Variants in ANKMY1 observed in about 807,000 individuals in gnomAD.
The protein encoded by ANKMY1 is ankyrin repeat and MYND domain containing 1, also known as ankyrin repeat and MYND domain-containing protein 1.
ANKMY1 carries 98 observed loss-of-function variants against 102.0 expected under a neutral mutation model. The observed-to-expected ratio is 0.96, with a 90% CI of 0.82 to 1.14. ANKMY1 has a LOEUF of 1.14. Ranked by LOEUF, ANKMY1 falls within the 50% of genes most tolerant of loss-of-function variation. The pLI is 0.00. For synonymous variants in ANKMY1, 582 were observed against 559.9 expected (o/e 1.04, Z -0.56); for missense variants, 1,330 against 1,347.6 (o/e 0.99, Z 0.20).
intron 4 of ANKMY1, among the ~76,000 whole-genome samples, chr2:240,530,544 T>C (rs1256667994): frequency 2.0e-5 from 3 of 152,192 alleles, no homozygotes; most frequent in African/African-American, 4.8e-5. Context: ...CTTGAGGCTG[T>C]CCCAGCCATG....
rs182177630 is a variant in ANKMY1 at position 240,533,148 on chromosome 2, T to C, written c.481-3639A>G. 3.5e-4 allele frequency among the ~76,000 whole-genome samples: 53 copies of C among 152,358 alleles called. 1 individual carries two copies. The highest frequency in any genetic ancestry group is 1.1e-3 in the African/African-American group (45 of 41,582). On this transcript the variant is annotated intron_variant, in intron 4 of 17. Coordinates refer to ENST00000401804, the MANE Select transcript of ANKMY1 (RefSeq NM_001282771.3). ...AATACTAGAATTAGTGTATCAAGAA[T>C]GCATGCTGTAATTTTTAGGGTGTTG... is the stretch of plus-strand genomic sequence containing the variant.
At chr2:240,522,187 G>C (rs1017113708) in intron 8 of ANKMY1, 2 of 149,784 alleles carry the variant, frequency 1.3e-5, no homozygotes, top group African/African-American at 4.9e-5. Context: ...CCTTTAGCTA[G>C]ACACTGAGCA....
rs1422621118 is a variant in ANKMY1, at chr2:240,529,598, A to G, written c.481-89T>C. The G allele has an allele frequency of 7.8e-7, 1 of 1,289,964 alleles. No individual in the cohort carries two copies. Among genetic ancestry groups the G allele is most frequent in the African/African-American group, 1.5e-5 (1 of 66,560 alleles). 79.9% of individuals were successfully genotyped at this position (1,289,964 alleles called of 1,614,324 possible). ...TTGTAACGTCAAAAGAAATCCCAAA[A>G]AAGAAAACTTTCCCAAGAAATGCAT... On this transcript the variant is annotated intron_variant, in intron 4 of 17. Coordinates refer to ENST00000401804, the MANE Select transcript of ANKMY1 (RefSeq NM_001282771.3). This position sits in a 1 kb window ranked among gnomAD's most constrained non-coding sequence, Gnocchi z 4.2.
At chr2:240,560,826 T>A, upstream of ANKMY1, 2 of 1,418,960 alleles carry the variant, frequency 1.4e-6, no homozygotes, top group Non-Finnish European at 9.1e-7. Context: ...AGTCACGCTG[T>A]GCGTCAACGT....
intron 4 of ANKMY1, among the ~76,000 whole-genome samples, chr2:240,544,491 TG>T (rs1054739449): frequency 4.6e-5 from 7 of 151,878 alleles, no homozygotes; most frequent in African/African-American, 1.5e-4. Context: ...GTCTTACTCT[TG>T]GGGGGGGAGG....
rs1301684205 is a variant in ANKMY1, at chr2:240,495,334, C to T, written c.2806+4624G>A. Reference sequence around the variant, plus strand: ...TGGAGGGCCTGACTGATGTCAGGCCCGCCCACAGTTATCCGGAGGCCTAAC... The same window carrying T: ...TGGAGGGCCTGACTGATGTCAGGCCTGCCCACAGTTATCCGGAGGCCTAAC... On this transcript the variant is annotated intron_variant, in intron 15 of 17. Coordinates refer to ENST00000401804, the MANE Select transcript of ANKMY1 (RefSeq NM_001282771.3). Among the ~76,000 whole-genome samples the T allele has an allele frequency of 5.9e-5, 9 of 152,258 alleles. No individual in the cohort carries two copies. The East Asian group carries it at 7.7e-4, about 13-fold the overall frequency.
intron 9 of ANKMY1, among the ~76,000 whole-genome samples, chr2:240,514,157 G>C (rs901467714): frequency 6.6e-6 from 1 of 152,242 alleles, no homozygotes; most frequent in South Asian, 2.1e-4. Context: ...GCTGAGGGGT[G>C]AATCAGGAAA....
At position 240,557,953 on chromosome 2, in the gene ANKMY1, G is replaced by A. The variant is rs952017353; in HGVS notation, c.-90C>T. On this transcript the variant is annotated 5_prime_UTR_variant, in exon 1 of 18. Transcript: ENST00000401804. ...GACTGCAGCCACCGCGGACGCCCGC[G>A]CTCCCGTCCCGACTGCTTGCCAGCC... 3 of 985,524 alleles carry A rather than the reference G, an allele frequency of 3.0e-6. No individual in the cohort carries two copies. Among genetic ancestry groups the A allele is most frequent in the South Asian group, 4.7e-5 (1 of 21,312 alleles). The allele number at this position is 985,524 out of a possible 1,614,324, so 61.0% of individuals were successfully genotyped here.
chr2:240,511,816 C>G, intron 11 of ANKMY1, 45 bp downstream of exon 11: 1 of 1,529,952 alleles, frequency 6.5e-7, no homozygotes, highest in Non-Finnish European at 8.7e-7. Context: ...GGTGGCCCCA[C>G]CGCTGGGCAG....
In ANKMY1 at chr2:240,513,046, A is replaced by C. The variant is rs112071219; in HGVS notation, c.2005-104T>G. 19 of 1,455,614 alleles carry C rather than the reference A, an allele frequency of 1.3e-5. No individual in the cohort carries two copies. In the African/African-American group the frequency reaches 2.4e-4, roughly 18 times the overall value. The allele number at this position is 1,455,614 out of a possible 1,614,324, so 90.2% of individuals were successfully genotyped here. A position where few individuals can be genotyped will look rare whatever the true frequency, so the allele number is the denominator to read the frequency against. ...TGCCAGGGAAATGGCTGAGACTCCA[A>C]GGGCACCATTCTCAGCCTCACCTGC... is the stretch of plus-strand genomic sequence containing the variant. On this transcript the variant is annotated intron_variant, in intron 9 of 17. Coordinates refer to ENST00000401804, the MANE Select transcript of ANKMY1 (RefSeq NM_001282771.3).
In ANKMY1 at chr2:240,499,807, A is replaced by G; in HGVS notation, c.2806+151T>C. 1 of 1,019,608 alleles carries G rather than the reference A, an allele frequency of 9.8e-7. No individual in the cohort carries two copies. Among genetic ancestry groups the G allele is most frequent in the South Asian group, 1.8e-5 (1 of 55,582 alleles). The allele number at this position is 1,019,608 out of a possible 1,614,324, so 63.2% of individuals were successfully genotyped here. On this transcript the variant is annotated intron_variant, in intron 15 of 17. Coordinates refer to ENST00000401804, the MANE Select transcript of ANKMY1 (RefSeq NM_001282771.3). This position sits in a 1 kb window ranked among gnomAD's most constrained non-coding sequence, Gnocchi z 4.2. The stretch of plus-strand genomic sequence containing the variant: ...CTCTCCTGGACGAGCTCCTTGGACG[A>G]CGGGACACAAAGGGGACAAGCCGAC...
chr2:240,503,215 A>G (rs961852670), intron 13 of ANKMY1, among the ~76,000 whole-genome samples: 21 of 152,194 alleles, frequency 1.4e-4, no homozygotes, highest in Admixed American at 1.2e-3. Flanking sequence ...GGGCTTGAAC[A>G]TGGATCTTTC....
chr2:240,553,272 T>C, intron 3 of ANKMY1: 1 of 588,056 alleles, frequency 1.7e-6, no homozygotes, highest in Non-Finnish European at 3.0e-6. Context: ...GCTCCCTCTC[T>C]GTCTTCTCCT....
chr2:240,560,867 C>T (rs1209709198), upstream of ANKMY1: 5 of 1,372,962 alleles, frequency 3.6e-6, no homozygotes, highest in Non-Finnish European at 3.8e-6. Flanking sequence ...CGCGCGCGCC[C>T]GGCGTGGCAG....
chr2:240,560,569 T>TA, upstream of ANKMY1: 1 of 1,310,516 alleles, frequency 7.6e-7, no homozygotes, highest in Non-Finnish European at 9.7e-7. Flanking sequence ...CGGAGGCCTC[T>TA]AGGACCCGGG....
At chr2:240,489,698 T>G (rs2076428155) in intron 15 of ANKMY1, among the ~76,000 whole-genome samples, 1 of 152,224 alleles carries the variant, frequency 6.6e-6, no homozygotes, top group Non-Finnish European at 1.5e-5. Flanking sequence ...GCATCTAGAT[T>G]AATCAGGAAT....
In ANKMY1 at chr2:240,520,206, C is replaced by A. The variant is rs910287109; in HGVS notation, c.2004+156G>T. 68 of 1,104,042 alleles carry A rather than the reference C, an allele frequency of 6.2e-5. No individual in the cohort carries two copies. The highest frequency in any genetic ancestry group is 8.6e-5 in the Non-Finnish European group (64 of 741,760). 68.4% of individuals were successfully genotyped at this position (1,104,042 alleles called of 1,614,324 possible). On this transcript the variant is annotated intron_variant, in intron 9 of 17. Transcript: ENST00000401804. This position sits in a 1 kb window ranked among gnomAD's most constrained non-coding sequence, Gnocchi z 4.8. ...ATGGGTGAAAGAGCGGGCTGTGGGA[C>A]CCCCCACTGCGGCGCGCCGTCATCA...
chr2:240,546,215 T>G (rs1030984962), intron 4 of ANKMY1, among the ~76,000 whole-genome samples: 3 of 151,920 alleles, frequency 2.0e-5, no homozygotes, highest in Non-Finnish European at 4.4e-5. Flanking sequence ...TCAACATTCT[T>G]AAAGAAAAGA....
At chr2:240,516,010 A>G (rs2081137492) in intron 9 of ANKMY1, among the ~76,000 whole-genome samples, 1 of 151,912 alleles carries the variant, frequency 6.6e-6, no homozygotes, top group African/African-American at 2.4e-5. Context: ...AGGCAATAAT[A>G]AAATATTTTT....
Sources: allele counts gnomAD v4.1 joint callset (sites outside exome capture counted in the v4.1 genomes callset), GRCh38; gene constraint gnomAD v4.1.1; non-coding constraint Gnocchi (gnomAD v3.1); transcripts MANE v1.5; gene names NCBI Gene and HGNC (gene_info 2026-07-23, HGNC 2026-07-21).